Variants in EYS observed in about 807,000 individuals in gnomAD.
EYS encodes the protein EGF-like photoreceptor maintenance factor.
A neutral mutation model predicts 282.1 loss-of-function variants in EYS; 250 were observed. That is an observed-to-expected ratio of 0.89 (90% CI 0.80 to 0.98). EYS has a LOEUF of 0.98. Ranked by LOEUF, EYS falls within the 50% of genes least tolerant of loss-of-function variation. EYS has a pLI of 0.00. For synonymous variants in EYS, 1,355 were observed against 1,282.9 expected, an observed-to-expected ratio of 1.06 and a Z score of -1.20; for missense variants, 4,016 against 3,709.0, an observed-to-expected ratio of 1.08 and a Z score of -2.15.
chr6:65,497,573 A>T (rs1185125470), intron 2 of EYS, among the ~76,000 whole-genome samples: 1 of 152,056 alleles, frequency 6.6e-6, no homozygotes, highest in Non-Finnish European at 1.5e-5. Flanking sequence ...GGAAGAGATT[A>T]TATCAAGAAG....
At chr6:65,395,851 C>CA (rs201480564) in intron 7 of EYS, among the ~76,000 whole-genome samples, 90 of 133,510 alleles carry the variant, frequency 6.7e-4, no homozygotes, top group African/African-American at 2.6e-3. Context: ...CCTTTGAACA[C>CA]CCCCCATTTC....
At chr6:65,124,697 C>T (rs1775667891) in intron 12 of EYS, among the ~76,000 whole-genome samples, 1 of 152,138 alleles carries the variant, frequency 6.6e-6, no homozygotes, top group African/African-American at 2.4e-5. Context: ...ATCAGAATTA[C>T]ACAAATCTTG....
chr6:64,097,554 A>T (rs112893640), intron 31 of EYS, among the ~76,000 whole-genome samples: 98 of 152,226 alleles, frequency 6.4e-4, no homozygotes, highest in African/African-American at 2.3e-3. Flanking sequence ...CTGCAAGCCA[A>T]GCATGGGATA....
At chr6:64,107,332 G>A (rs1773064010) in intron 31 of EYS, among the ~76,000 whole-genome samples, 1 of 131,894 alleles carries the variant, frequency 7.6e-6, no homozygotes, top group Non-Finnish European at 1.6e-5. Context: ...AGTTTATAAA[G>A]TATTAACTTA....
chr6:65,219,449 T>A (rs183194866), intron 12 of EYS, among the ~76,000 whole-genome samples: 17 of 152,162 alleles, frequency 1.1e-4, no homozygotes, highest in African/African-American at 3.9e-4. Flanking sequence ...GATGCTGGAG[T>A]ATTAGCAGCT....
intron 19 of EYS, among the ~76,000 whole-genome samples, chr6:64,870,218 A>C (rs1224317843): frequency 6.6e-6 from 1 of 151,562 alleles, no homozygotes; most frequent in Non-Finnish European, 1.5e-5. Context: ...ATACACCCCA[A>C]ATCTTACACA....
At chr6:65,146,284 G>T (rs1764476254) in intron 12 of EYS, among the ~76,000 whole-genome samples, 1 of 151,706 alleles carries the variant, frequency 6.6e-6, no homozygotes, top group Non-Finnish European at 1.5e-5. Flanking sequence ...CATTAGGAAA[G>T]AAAATAACTG....
chr6:65,454,240 G>A lies in EYS; in HGVS notation c.862+36354C>T, dbSNP rs1282710631. 5.9e-5 allele frequency among the ~76,000 whole-genome samples: 9 copies of A among 151,498 alleles called. No homozygotes were observed. In the East Asian group the frequency reaches 1.6e-3, roughly 26 times the overall value. On this transcript the variant is annotated intron_variant, in intron 5 of 42. Coordinates refer to ENST00000503581, the MANE Select transcript of EYS (RefSeq NM_001142800.2). ...TAGAGTAAAGTGGTATTTCATTGTGGTTTTGATTTGCATTTCCCTGATGAC... is the reference window on the plus strand; with the variant it reads ...TAGAGTAAAGTGGTATTTCATTGTGATTTTGATTTGCATTTCCCTGATGAC...
intron 33 of EYS, among the ~76,000 whole-genome samples, chr6:64,019,368 A>G (rs963741255): frequency 6.6e-6 from 1 of 152,038 alleles, no homozygotes; most frequent in Non-Finnish European, 1.5e-5. Flanking sequence ...TCCATTTCTT[A>G]TAGTAGCTAC....
chr6:64,026,138 G>A (rs928238316), intron 33 of EYS, among the ~76,000 whole-genome samples: 1 of 152,142 alleles, frequency 6.6e-6, no homozygotes, highest in Non-Finnish European at 1.5e-5. Context: ...ACCGTTGTGG[G>A]TTCTGGGGCA....
At chr6:64,339,439 T>C (rs1379762586) in intron 29 of EYS, among the ~76,000 whole-genome samples, 3 of 151,876 alleles carry the variant, frequency 2.0e-5, no homozygotes, top group African/African-American at 7.2e-5. Context: ...ATCACCTTAC[T>C]CCTGCAAGTA....
At chr6:65,421,183 G>A (rs1185607445) in intron 5 of EYS, among the ~76,000 whole-genome samples, 1 of 151,740 alleles carries the variant, frequency 6.6e-6, no homozygotes, top group East Asian at 1.9e-4. Flanking sequence ...TCTGATACTA[G>A]GCTGTTTTTT....
intron 12 of EYS, among the ~76,000 whole-genome samples, chr6:65,285,282 AT>A (rs1171529685): frequency 5.9e-5 from 9 of 152,006 alleles, no homozygotes; most frequent in South Asian, 2.1e-4. Flanking sequence ...AATAATTTGC[AT>A]TTTTTTCTAT....
intron 2 of EYS, among the ~76,000 whole-genome samples, chr6:65,630,747 C>T (rs1216112742): frequency 6.6e-6 from 1 of 152,166 alleles, no homozygotes; most frequent in East Asian, 1.9e-4. Flanking sequence ...CATCTTGCCA[C>T]ATTACTTTTT....
intron 1 of EYS, among the ~76,000 whole-genome samples, chr6:65,677,105 GA>G (rs58880200): frequency 0.14 from 15,251 of 107,320 alleles, 650 homozygotes; most frequent in South Asian, 0.17. Flanking sequence ...AGTCATTGGT[GA>G]AAAAAAAAAA....
rs866516922 is a variant in EYS, at chr6:64,003,678, T to C, written c.6726-4495A>G. On this transcript the variant is annotated intron_variant, in intron 33 of 42. Transcript: ENST00000503581. Reference sequence around the variant, plus strand: ...GCTTTTTGGTATTCTCTGAATGATATGGTTTGGCTGTGTTTCCACACAAAT... The same window carrying C: ...GCTTTTTGGTATTCTCTGAATGATACGGTTTGGCTGTGTTTCCACACAAAT... Among the ~76,000 whole-genome samples the C allele has an allele frequency of 2.0e-5, 3 of 152,348 alleles. No individual in the cohort carries two copies. In the Middle Eastern group the frequency reaches 0.01, roughly 518 times the overall value.
intron 35 of EYS, among the ~76,000 whole-genome samples, chr6:63,948,374 T>C (rs548448080): frequency 6.6e-6 from 1 of 152,320 alleles, no homozygotes; most frequent in African/African-American, 2.4e-5. Context: ...AACATGCTTC[T>C]CCATTTCTTT....
chr6:65,663,097 A>G (rs1768060437), intron 1 of EYS, among the ~76,000 whole-genome samples: 1 of 152,218 alleles, frequency 6.6e-6, no homozygotes, highest in Non-Finnish European at 1.5e-5. Flanking sequence ...GAAGCAGCAA[A>G]GTAATCATAC....
At chr6:64,289,868 T>C (rs974399295) in intron 30 of EYS, among the ~76,000 whole-genome samples, 2 of 152,126 alleles carry the variant, frequency 1.3e-5, no homozygotes, top group Admixed American at 6.6e-5. Context: ...ATTTATATAG[T>C]GCCTTAGCGC....
Sources: gnomAD v4.1 joint callset for allele counts (sites outside exome capture counted in the v4.1 genomes callset) on GRCh38, gnomAD v4.1.1 for gene constraint, MANE v1.5 for transcripts, NCBI Gene and HGNC (gene_info 2026-07-23, HGNC 2026-07-21) for gene names.